The following GRM7 variants were observed in gnomAD, a reference collection of about 807,000 sequenced individuals.
The protein encoded by GRM7 is glutamate metabotropic receptor 7, also known as metabotropic glutamate receptor 7.
Under a neutral mutation model 84.5 loss-of-function variants are expected in GRM7, and 35 were observed. The observed-to-expected ratio is 0.41, with a 90% CI of 0.32 to 0.55. GRM7 has a LOEUF of 0.55. GRM7 is among the 20% of genes least tolerant of loss of function. GRM7 has a pLI of 0.19. For synonymous variants in GRM7, 487 were observed against 455.1 expected, an observed-to-expected ratio of 1.07 and a Z score of -0.89; for missense variants, 1,003 against 1,194.6, an observed-to-expected ratio of 0.84 and a Z score of 2.36.
intron 1 of GRM7, among the ~76,000 whole-genome samples, chr3:7,134,407 G>A (rs1190458263): frequency 6.7e-6 from 1 of 149,172 alleles, no homozygotes; most frequent in African/African-American, 2.5e-5. Context: ...CCCCACTGTC[G>A]CCTGGCAAAA....
intron 9 of GRM7, among the ~76,000 whole-genome samples, chr3:7,715,803 A>C (rs1256709861): frequency 6.6e-6 from 1 of 152,150 alleles, no homozygotes; most frequent in Non-Finnish European, 1.5e-5. Flanking sequence ...TAAGTGCAAC[A>C]TAAAGGTTTC....
At position 7,733,989 on chromosome 3, in the gene GRM7, C is replaced by G. The variant is rs1315852137; in HGVS notation, c.2699-6368C>G. Among the ~76,000 whole-genome samples, 6 of 152,294 alleles carry G rather than the reference C, an allele frequency of 3.9e-5. No homozygotes were observed. In the East Asian group the frequency reaches 9.7e-4, roughly 25 times the overall value. On this transcript the variant is annotated intron_variant, in intron 9 of 9. Coordinates refer to ENST00000357716, the MANE Select transcript of GRM7 (RefSeq NM_000844.4). ...GTAAAATATCTTTAAGCACTCATCA[C>G]AGATATGTAATAGTTTTTTTGCATT...
rs532172915 is a variant in GRM7 at position 7,596,265 on chromosome 3, G to A, written c.2451+16908G>A. 0.05 allele frequency among the ~76,000 whole-genome samples: 4 copies of A among 80 alleles called. No homozygotes were observed. In the East Asian group the frequency reaches 0.5, roughly 10 times the overall value. The allele number at this position is 80 out of a possible 152,430, so 0.1% of individuals were successfully genotyped here. On this transcript the variant is annotated intron_variant, in intron 8 of 9. Coordinates refer to ENST00000357716, the MANE Select transcript of GRM7 (RefSeq NM_000844.4). Reference sequence around the variant, plus strand: ...TTTCTGAAAAGGCAAGACTAGAGGAGAGGGAAGGTTGGCAGGAAAGAGGCA... The same window carrying A: ...TTTCTGAAAAGGCAAGACTAGAGGAAAGGGAAGGTTGGCAGGAAAGAGGCA...
chr3:6,992,176 C>T (rs1490978048), intron 1 of GRM7, among the ~76,000 whole-genome samples: 1 of 152,102 alleles, frequency 6.6e-6, no homozygotes. Context: ...TCTTAGTATT[C>T]CTTTCTGGGC....
intron 3 of GRM7, among the ~76,000 whole-genome samples, chr3:7,305,057 A>T (rs1344705749): frequency 6.6e-6 from 1 of 152,196 alleles, no homozygotes; most frequent in Non-Finnish European, 1.5e-5. Flanking sequence ...ACTTTCTGAT[A>T]TGTATCAGAT....
At chr3:6,984,286 C>T (rs1694317487) in intron 1 of GRM7, among the ~76,000 whole-genome samples, 1 of 152,052 alleles carries the variant, frequency 6.6e-6, no homozygotes, top group African/African-American at 2.4e-5. Flanking sequence ...TATTATTGTA[C>T]CAGCCAGCAC....
chr3:7,082,369 C>T (rs565122162), intron 1 of GRM7, among the ~76,000 whole-genome samples: 4 of 152,108 alleles, frequency 2.6e-5, no homozygotes, highest in Admixed American at 1.3e-4. Flanking sequence ...CAGTTGTTTA[C>T]GGCATTTTAA....
At chr3:7,298,383 C>A (rs1318910321) in intron 2 of GRM7, among the ~76,000 whole-genome samples, 1 of 152,134 alleles carries the variant, frequency 6.6e-6, no homozygotes, top group East Asian at 1.9e-4. Context: ...TTCAACCCAG[C>A]CACTTTTTCT....
At chr3:6,921,867 C>G (rs1237782926) in intron 1 of GRM7, among the ~76,000 whole-genome samples, 1 of 152,132 alleles carries the variant, frequency 6.6e-6, no homozygotes, top group African/African-American at 2.4e-5. Flanking sequence ...CAGGACAAGC[C>G]TAAGCTAATA....
chr3:6,885,166 C>T (rs920833907), intron 1 of GRM7, among the ~76,000 whole-genome samples: 2 of 152,120 alleles, frequency 1.3e-5, no homozygotes, highest in Non-Finnish European at 2.9e-5. Flanking sequence ...GCTTCACCCA[C>T]GAAACAATTT....
At chr3:7,220,498 C>T (rs1031613285) in intron 2 of GRM7, among the ~76,000 whole-genome samples, 3 of 151,958 alleles carry the variant, frequency 2.0e-5, no homozygotes, top group Admixed American at 6.6e-5. Flanking sequence ...GCATAGAAAA[C>T]AAGGAAAGTT....
intron 5 of GRM7, among the ~76,000 whole-genome samples, chr3:7,419,176 G>T (rs1158694391): frequency 6.6e-6 from 1 of 152,056 alleles, no homozygotes. Context: ...TTTTACTGGG[G>T]TGCACACTAT....
intron 7 of GRM7, among the ~76,000 whole-genome samples, chr3:7,524,161 C>G (rs1700703872): frequency 6.6e-6 from 1 of 151,282 alleles, no homozygotes; most frequent in Admixed American, 6.6e-5. Context: ...CATAAAAACC[C>G]TAGAAGAAAA....
intron 1 of GRM7, among the ~76,000 whole-genome samples, chr3:7,078,850 T>C (rs1450315590): frequency 6.6e-5 from 9 of 136,848 alleles, no homozygotes; most frequent in Non-Finnish European, 3.1e-5. Flanking sequence ...GAACTCTGAG[T>C]TTGTTTTTTT....
chr3:7,665,688 A>G (rs2125127713), intron 8 of GRM7, among the ~76,000 whole-genome samples: 1 of 152,274 alleles, frequency 6.6e-6, no homozygotes, highest in African/African-American at 2.4e-5. Flanking sequence ...TTTTAATTGA[A>G]AGTGAGTATC....
chr3:7,338,113 T>C (rs1701493181), intron 4 of GRM7, among the ~76,000 whole-genome samples: 1 of 115,294 alleles, frequency 8.7e-6, no homozygotes, highest in Non-Finnish European at 1.7e-5. Context: ...TATATATTTA[T>C]GTACACACAC....
chr3:6,977,958 A>G (rs1575090961), intron 1 of GRM7, among the ~76,000 whole-genome samples: 1 of 152,184 alleles, frequency 6.6e-6, no homozygotes, highest in African/African-American at 2.4e-5. Context: ...TACTTTAAAG[A>G]CCTCAAGTGA....
At chr3:6,875,772 C>T (rs1695280001) in intron 1 of GRM7, among the ~76,000 whole-genome samples, 1 of 152,102 alleles carries the variant, frequency 6.6e-6, no homozygotes, top group Non-Finnish European at 1.5e-5. Flanking sequence ...TGGGGAGGTG[C>T]ATCTTAGAAC....
rs369274031 is a variant in GRM7, at chr3:7,254,031, C to G, written c.737-44653C>G. On this transcript the variant is annotated intron_variant, in intron 2 of 9. Coordinates refer to ENST00000357716, the MANE Select transcript of GRM7 (RefSeq NM_000844.4). ...TCTCCCTCCAACCCTGGAGGTCACCCAGGACTAGAAGTGCAAGGAGAGGTA... is the reference window on the plus strand; with the variant it reads ...TCTCCCTCCAACCCTGGAGGTCACCGAGGACTAGAAGTGCAAGGAGAGGTA... 1.5e-4 allele frequency among the ~76,000 whole-genome samples: 23 copies of G among 152,260 alleles called. No individual in the cohort carries two copies. In the South Asian group the frequency reaches 4.8e-3, roughly 32 times the overall value.
Sources: gnomAD v4.1 joint callset for allele counts (sites outside exome capture counted in the v4.1 genomes callset) on GRCh38, gnomAD v4.1.1 for gene constraint, MANE v1.5 for transcripts, NCBI Gene and HGNC (gene_info 2026-07-23, HGNC 2026-07-21) for gene names.